NOM1: variants seen among roughly 807,000 people sequenced by gnomAD.
The protein encoded by NOM1 is nucleolar protein with MIF4G domain 1, also known as nucleolar MIF4G domain-containing protein 1.
NOM1 carries 58 observed loss-of-function variants against 73.3 expected under a neutral mutation model. The observed-to-expected ratio is 0.79, with a 90% CI of 0.64 to 0.99. The LOEUF (loss-of-function observed/expected upper bound fraction) is 0.99. Among genes scored for constraint, NOM1 ranks in the 50% least tolerant of loss-of-function variants. NOM1 has a pLI of 0.00. For synonymous variants in NOM1, 487 were observed against 446.8 expected, an observed-to-expected ratio of 1.09 and a Z score of -1.14; for missense variants, 1,226 against 1,131.9, an observed-to-expected ratio of 1.08 and a Z score of -1.19.
At chr7:156,969,426 T>C in intron 10 of NOM1, 103 bp from the exon 11 acceptor site, 1 of 1,035,640 alleles carries the variant, frequency 9.7e-7, no homozygotes, top group East Asian at 2.4e-5. Context: ...AGAATTTTAT[T>C]TTTAAAAGAA....
Position 156,962,219 on chromosome 7 carries a change from C to T in NOM1, c.1701C>T (p.Asp567=), listed in dbSNP as rs777702847. 2.5e-6 allele frequency: 4 copies of T among 1,614,092 alleles called. No homozygotes were observed. The highest frequency in any genetic ancestry group is 3.4e-6 in the Non-Finnish European group (4 of 1,179,992). The stretch of plus-strand genomic sequence containing the variant: ...ACATGCGCAAAATTCCAGGCTATGA[C>T]CCCGAGCCCGTGGAGAAGCTGAGGA... ...NNDMRKIPGY[D]PEPVEKLRKL... The change falls in exon 5 of 11, where the codon GAC becomes GAT. Residue 567 remains aspartate, a synonymous_variant. Transcript: ENST00000275820.
intron 5 of NOM1, among the ~76,000 whole-genome samples, chr7:156,962,795 G>A (rs572863906): frequency 1.3e-5 from 2 of 152,218 alleles, no homozygotes; most frequent in South Asian, 2.1e-4. Context: ...CAAACACAGC[G>A]TGTTTGGGGT....
intron 4 of NOM1, among the ~76,000 whole-genome samples, chr7:156,961,803 C>T (rs1361158003): frequency 2.6e-5 from 4 of 151,250 alleles, no homozygotes; most frequent in South Asian, 2.1e-4. Flanking sequence ...CAGAGCAGGT[C>T]GCGGGGGGCC....
chr7:156,953,913 C>G (rs1019840234), intron 2 of NOM1, among the ~76,000 whole-genome samples, 190 bp from the exon 3 acceptor site: 2 of 152,024 alleles, frequency 1.3e-5, no homozygotes, highest in Non-Finnish European at 2.9e-5. Flanking sequence ...TTTTGGGATT[C>G]CAGAATATTA....
intron 1 of NOM1, among the ~76,000 whole-genome samples, chr7:156,951,141 C>T (rs1804582508): frequency 6.6e-6 from 1 of 152,130 alleles, no homozygotes; most frequent in South Asian, 2.1e-4. Context: ...TAAAGTCCAA[C>T]ATTGAATTAA....
chr7:156,951,365 C>G (rs989738384), intron 1 of NOM1, among the ~76,000 whole-genome samples: 1 of 151,904 alleles, frequency 6.6e-6, no homozygotes, highest in East Asian at 1.9e-4. Context: ...CTAGCCTGGG[C>G]GAGAGAGCCA....
chr7:156,961,169 C>T (rs1023952603), intron 4 of NOM1, among the ~76,000 whole-genome samples: 1 of 152,132 alleles, frequency 6.6e-6, no homozygotes, highest in Non-Finnish European at 1.5e-5. Context: ...TTAAGGAGCA[C>T]TGACGTCTAG....
chr7:156,965,850 G>C (rs1804982110), intron 7 of NOM1, among the ~76,000 whole-genome samples: 1 of 152,188 alleles, frequency 6.6e-6, no homozygotes, highest in Admixed American at 6.5e-5. Flanking sequence ...AGAGATGGAG[G>C]TTGTAGTGAG....
chr7:156,949,997 A>G lies in NOM1; in HGVS notation c.260A>G (p.Lys87Arg). 1 of 1,540,604 alleles carries G rather than the reference A, an allele frequency of 6.5e-7. No homozygotes were observed. Among genetic ancestry groups the G allele is most frequent in the Non-Finnish European group, 8.7e-7 (1 of 1,146,786 alleles). ...AGAAAAAGCCGTAAGGAACTGAGGAAGGAGAAGCGGCACCTGCGGAAAGCA... is the reference window on the plus strand; with the variant it reads ...AGAAAAAGCCGTAAGGAACTGAGGAGGGAGAAGCGGCACCTGCGGAAAGCA... ...GGRKSRKELRKEKRHLRKARR... is the reference protein window; with the variant it reads ...GGRKSRKELRREKRHLRKARR... The change falls in exon 1 of 11, where the codon AAG becomes AGG. Residue 87 changes from lysine to arginine, a missense_variant. Coordinates refer to ENST00000275820, the MANE Select transcript of NOM1 (RefSeq NM_138400.2).
chr7:156,951,406 G>C (rs2134768627), intron 1 of NOM1, among the ~76,000 whole-genome samples: 1 of 152,190 alleles, frequency 6.6e-6, no homozygotes, highest in South Asian at 2.1e-4. Context: ...AAAAAGTTCA[G>C]AATCTAGGAC....
chr7:156,954,522 C>CTTTTTTTTTTTTTTTTTTTTTTTTT lies in NOM1; in HGVS notation c.1308+244_1308+245insTTTTTTTTTTTTTTTTTTTTTTTTT, dbSNP rs34176770. Among the ~76,000 whole-genome samples, 109 of 101,646 alleles carry CTTTTTTTTTTTTTTTTTTTTTTTTT rather than the reference C, an allele frequency of 1.1e-3. 5 individuals carry two copies. Among genetic ancestry groups the CTTTTTTTTTTTTTTTTTTTTTTTTT allele is most frequent in the East Asian group, 5.2e-3 (16 of 3,094 alleles). 66.7% of individuals were successfully genotyped at this position (101,646 alleles called of 152,430 possible). On this transcript the variant is annotated intron_variant, in intron 3 of 10. Coordinates refer to ENST00000275820, the MANE Select transcript of NOM1 (RefSeq NM_138400.2). ...ACTTTGCTTTTTTGTTCTGTCCATT[C>CTTTTTTTTTTTTTTTTTTTTTTTTT]TTTTTTTTTTTTTTTTTTTTGAGAC...
At chr7:156,963,507 C>G (rs1236472288) in intron 6 of NOM1, 1 of 422,794 alleles carries the variant, frequency 2.4e-6, no homozygotes, top group East Asian at 4.6e-5. Flanking sequence ...AGGCTACAGG[C>G]TATGGATTTC....
chr7:156,954,654 A>G (rs1156858107), intron 3 of NOM1, among the ~76,000 whole-genome samples: 1 of 150,904 alleles, frequency 6.6e-6, no homozygotes, highest in Non-Finnish European at 1.5e-5. Flanking sequence ...CTGCAGGCGC[A>G]CACCACCAGG....
intron 1 of NOM1, among the ~76,000 whole-genome samples, chr7:156,951,343 CGCTACTGCACTCTA>C (rs766084016): frequency 1.1e-4 from 17 of 152,010 alleles, no homozygotes; most frequent in Non-Finnish European, 2.4e-4. Context: ...GCCGAGATCG[CGCTACTGCACTCTA>C]GCCTGGGCGA....
chr7:156,951,887 C>T (rs1007314363), intron 1 of NOM1, among the ~76,000 whole-genome samples: 2 of 151,902 alleles, frequency 1.3e-5, no homozygotes, highest in African/African-American at 2.4e-5. Flanking sequence ...TTTGTATTTT[C>T]AGTAGAGATG....
rs775424938 is a variant in NOM1, at chr7:156,963,306, G to A, written c.1911+131G>A. On this transcript the variant is annotated intron_variant, in intron 6 of 10. Coordinates refer to ENST00000275820, the MANE Select transcript of NOM1 (RefSeq NM_138400.2). ...TGAAATGTACAAGGTTTATCTGGAG[G>A]CCTTACAGAAATTGCTATTAATATT... 33 of 873,036 alleles carry A rather than the reference G, an allele frequency of 3.8e-5. No individual in the cohort carries two copies. In the East Asian group the frequency reaches 8.5e-4, roughly 22 times the overall value. 54.1% of individuals were successfully genotyped at this position (873,036 alleles called of 1,614,324 possible). A position where few individuals can be genotyped will look rare whatever the true frequency, so the allele number is the denominator to read the frequency against.
chr7:156,963,722 G>A (rs1245884491), intron 6 of NOM1, 183 bp from the exon 7 acceptor site: 5 of 539,622 alleles, frequency 9.3e-6, no homozygotes, highest in East Asian at 3.2e-5. Flanking sequence ...CTCCCCCAGC[G>A]GCTGTGGCTT....
chr7:156,960,509 G>T (rs1032082267), intron 4 of NOM1, among the ~76,000 whole-genome samples: 1 of 152,166 alleles, frequency 6.6e-6, no homozygotes, highest in Non-Finnish European at 1.5e-5. Flanking sequence ...CTGAGCCTCA[G>T]TTTCCCCCTC....
Position 156,959,833 on chromosome 7 carries a change from T to G in NOM1, c.1309-18T>G. On this transcript the variant is annotated intron_variant, in intron 3 of 10. Transcript: ENST00000275820. ...TTTCTAGGAATAACATAATCTTTTT[T>G]CTGTGTGGTTCTTTCAGGTCGGTGC... is the stretch of plus-strand genomic sequence containing the variant. 1 of 1,610,266 alleles carries G rather than the reference T, an allele frequency of 6.2e-7. No homozygotes were observed. The highest frequency in any genetic ancestry group is 8.5e-7 in the Non-Finnish European group (1 of 1,177,776).
Sources: gnomAD v4.1 joint callset for allele counts (sites outside exome capture counted in the v4.1 genomes callset) on GRCh38, gnomAD v4.1.1 for gene constraint, MANE v1.5 for transcripts, NCBI Gene and HGNC (gene_info 2026-07-23, HGNC 2026-07-21) for gene names.